KIF17: variants seen among roughly 807,000 people sequenced by gnomAD.
KIF17 encodes kinesin family member 17.
In KIF17, 80 loss-of-function variants were observed where a neutral mutation model predicts 96.8. That is an observed-to-expected ratio of 0.83 (90% CI 0.69 to 1.00). KIF17 has a LOEUF of 1.00. Among genes scored for constraint, KIF17 ranks in the 50% least tolerant of loss-of-function variants. The pLI is 0.00. For missense variants in KIF17, 1,280 were observed against 1,372.9 expected (o/e 0.93, Z 1.07); for synonymous variants, 567 against 587.5 (o/e 0.97, Z 0.51).
chr1:20,709,905 G>C lies in KIF17; in HGVS notation c.481-77C>G. ...GACCAGGGATGGTCAAGGAACCAGAGAGAAGGGCCCCATCCAGACCGCCCT... is the reference window on the plus strand; with the variant it reads ...GACCAGGGATGGTCAAGGAACCAGACAGAAGGGCCCCATCCAGACCGCCCT... On this transcript the variant is annotated intron_variant, in intron 3 of 14. Transcript: ENST00000400463. The surrounding 1 kb of genome is among the most constrained non-coding windows in gnomAD (Gnocchi z 4.7). 7.1e-7 allele frequency: 1 copy of C among 1,412,324 alleles called. No individual in the cohort carries two copies. The highest frequency in any genetic ancestry group is 9.8e-7 in the Non-Finnish European group (1 of 1,022,180). The allele number at this position is 1,412,324 out of a possible 1,614,324, so 87.5% of individuals were successfully genotyped here. A position where few individuals can be genotyped will look rare whatever the true frequency, so the allele number is the denominator to read the frequency against.
intron 10 of KIF17, among the ~76,000 whole-genome samples, chr1:20,683,247 A>G (rs981385736): frequency 3.3e-5 from 5 of 152,240 alleles, no homozygotes; most frequent in Admixed American, 6.5e-5. Context: ...GTTGTGAAAA[A>G]TGTTCAATAC....
At chr1:20,682,576 G>T (rs2053847804) in intron 11 of KIF17, 77 bp downstream of exon 11, 1 of 1,224,130 alleles carries the variant, frequency 8.2e-7, no homozygotes. Context: ...CTTCCTACAA[G>T]GTGTAGGGAT....
intron 13 of KIF17, 75 bp from the exon 14 acceptor site, chr1:20,666,406 T>C: frequency 2.4e-6 from 3 of 1,246,136 alleles, no homozygotes; most frequent in Admixed American, 1.7e-5. Flanking sequence ...GCCTCTGGTA[T>C]CCTGGGGCAG....
chr1:20,713,351 G>C, intron 3 of KIF17, 103 bp downstream of exon 3: 1 of 816,552 alleles, frequency 1.2e-6, no homozygotes, highest in Non-Finnish European at 2.0e-6. Context: ...TAGCCTCCCA[G>C]TGCCGGCACC....
At chr1:20,712,810 T>C (rs1570485161) in intron 3 of KIF17, among the ~76,000 whole-genome samples, 2 of 53,722 alleles carry the variant, frequency 3.7e-5, no homozygotes, top group South Asian at 9.3e-4. Flanking sequence ...ATAATATCTA[T>C]ATATATAATA....
intron 12 of KIF17, among the ~76,000 whole-genome samples, chr1:20,670,799 C>A (rs923803784): frequency 2.4e-4 from 37 of 152,078 alleles, no homozygotes; most frequent in Non-Finnish European, 4.4e-5. Context: ...GGGGTCTCAG[C>A]AGGGATGGTG....
rs56094066 is a variant in KIF17 at position 20,697,765 on chromosome 1, C to T, written c.1233+614G>A. 5.5e-3 allele frequency among the ~76,000 whole-genome samples: 845 copies of T among 152,342 alleles called. 3 individuals carry two copies. Among genetic ancestry groups the T allele is most frequent in the Non-Finnish European group, 8.4e-3 (572 of 68,030 alleles). On this transcript the variant is annotated intron_variant, in intron 6 of 14. Transcript: ENST00000400463. ...CCAAAGGCAGGAGTGGGGGGGCCCC[C>T]GCCATGCCTGGCTGTGGAAGTCCCG... is the stretch of plus-strand genomic sequence containing the variant.
At chr1:20,682,352 G>C (rs2053844280) in intron 11 of KIF17, among the ~76,000 whole-genome samples, 1 of 152,098 alleles carries the variant, frequency 6.6e-6, no homozygotes, top group African/African-American at 2.4e-5. Flanking sequence ...GTGAGACCCT[G>C]CCTGTCCAAA....
In KIF17 at chr1:20,704,826, G is replaced by T; in HGVS notation, c.744C>A (p.Ser248=). Residue 248 remains serine, a synonymous_variant, in exon 5 of 15, where the codon TCC becomes TCA. Coordinates refer to ENST00000400463, the MANE Select transcript of KIF17 (RefSeq NM_001122819.3). This position sits in a 1 kb window ranked among gnomAD's most constrained non-coding sequence, Gnocchi z 6.8. ...LVDLAGSERQ[S]KTGATGERLK... ...GCCGCTCGCCCGTGGCCCCGGTCTTGGACTGCCGCTCGCTGCCCGCCAGGT... is the reference window on the plus strand; with the variant it reads ...GCCGCTCGCCCGTGGCCCCGGTCTTTGACTGCCGCTCGCTGCCCGCCAGGT... The T allele has an allele frequency of 6.2e-7, 1 of 1,606,512 alleles. No homozygotes were observed.
At position 20,687,396 on chromosome 1, in the gene KIF17, G is replaced by A. The variant is rs969571905; in HGVS notation, c.1930C>T (p.Pro644Ser). 2.5e-6 allele frequency: 4 copies of A among 1,613,120 alleles called. No homozygotes were observed. Among genetic ancestry groups the A allele is most frequent in the Non-Finnish European group, 3.4e-6 (4 of 1,180,020 alleles). ...TGCGTGACATCAGCTACCTGCACAG[G>A]GACCTTGGGGACGTCTGCCTGGGGT... ...DAPQADVPKV[P>S]VQVPAPTDLL... is the part of the protein sequence containing the mutation. The change falls in exon 8 of 15, where the codon CCT becomes TCT. Residue 644 changes from proline to serine, a missense_variant. By Grantham distance (74) the Pro-to-Ser change is moderately conservative. Transcript: ENST00000400463. The surrounding 1 kb of genome is among the most constrained non-coding windows in gnomAD (Gnocchi z 4.4).
At position 20,684,842 on chromosome 1, in the gene KIF17, A is replaced by C. The variant is rs2053905799; in HGVS notation, c.2198T>G (p.Leu733Arg). 6.3e-7 allele frequency: 1 copy of C among 1,593,442 alleles called. No homozygotes were observed. Among genetic ancestry groups the C allele is most frequent in the African/African-American group, 1.3e-5 (1 of 74,498 alleles). ...CACCTGCTGCTGGTCCACAACGGGC[A>C]GCGGGTCATCAGTCAGCACTGCCAC... is the stretch of plus-strand genomic sequence containing the variant. ...MEVAVLTDDP[L>R]PVVDQQQVLA... Residue 733 changes from leucine (L) to arginine (R), a missense_variant, in exon 10 of 15, where the codon CTG becomes CGG. Coordinates refer to ENST00000400463, the MANE Select transcript of KIF17 (RefSeq NM_001122819.3).
chr1:20,681,110 A>C (rs1407277171), intron 11 of KIF17, among the ~76,000 whole-genome samples: 1 of 147,256 alleles, frequency 6.8e-6, no homozygotes, highest in Non-Finnish European at 1.5e-5. Flanking sequence ...TGGGTGACAG[A>C]GCAAGACTCT....
At chr1:20,691,179 G>T (rs922786392) in intron 6 of KIF17, among the ~76,000 whole-genome samples, 18 of 151,900 alleles carry the variant, frequency 1.2e-4, no homozygotes, top group African/African-American at 4.3e-4. Flanking sequence ...CCTGTAATCT[G>T]TTACTGGGGA....
In KIF17 at chr1:20,669,537, A is replaced by AAATAATAATAATAAT. The variant is rs71585778; in HGVS notation, c.2790+869_2790+883dup. Reference sequence around the variant, plus strand: ...GGCGACAGAGCGAGACTCTGTCTCGAAATAATAATAATAATAATAATAATA... The same window carrying AAATAATAATAATAAT: ...GGCGACAGAGCGAGACTCTGTCTCGAAATAATAATAATAATAATAATAATAATAATAATAATAATA... On this transcript the variant is annotated intron_variant, in intron 13 of 14. Transcript: ENST00000400463. 2.1e-4 allele frequency among the ~76,000 whole-genome samples: 25 copies of AAATAATAATAATAAT among 121,124 alleles called. No individual in the cohort carries two copies. In the South Asian group the frequency reaches 2.1e-3, roughly 10 times the overall value. 79.5% of individuals were successfully genotyped at this position (121,124 alleles called of 152,430 possible). A position where few individuals can be genotyped will look rare whatever the true frequency, so the allele number is the denominator to read the frequency against.
chr1:20,664,708 A>G lies in KIF17; in HGVS notation c.2963T>C (p.Ile988Thr). ...LSCPLSNNSA[I>T]PPTQAPEMPQ... ...CATTTCAGGGGCCTGGGTGGGTGGG[A>G]TGGCAGAGTTGTTGCTGAGTGGGCA... Residue 988 changes from isoleucine (I) to threonine (T), a missense_variant, in exon 15 of 15, where the codon ATC becomes ACC. Transcript: ENST00000400463. 6.2e-7 allele frequency: 1 copy of G among 1,612,096 alleles called. No homozygotes were observed. Among genetic ancestry groups the G allele is most frequent in the Non-Finnish European group, 8.5e-7 (1 of 1,179,696 alleles).
rs1159476296 is a variant in KIF17 at position 20,717,456 on chromosome 1, G to A, written c.231+20C>T. Reference sequence around the variant, plus strand: ...CCTCATGCCCTGCCGCCTGCAGGGCGGCCTGCCGGGCGCCCTCACCTCCAC... The same window carrying A: ...CCTCATGCCCTGCCGCCTGCAGGGCAGCCTGCCGGGCGCCCTCACCTCCAC... On this transcript the variant is annotated intron_variant, in intron 1 of 14. Transcript: ENST00000400463. 3 of 1,608,976 alleles carry A rather than the reference G, an allele frequency of 1.9e-6. No individual in the cohort carries two copies. Among genetic ancestry groups the A allele is most frequent in the East Asian group, 2.2e-5 (1 of 44,800 alleles).
intron 6 of KIF17, among the ~76,000 whole-genome samples, chr1:20,697,410 C>G (rs2054161258): frequency 6.6e-6 from 1 of 151,712 alleles, no homozygotes; most frequent in African/African-American, 2.4e-5. Context: ...GAGTTCAAGA[C>G]CAGCCTAGGC....
chr1:20,677,987 A>G (rs1406650922), intron 11 of KIF17, among the ~76,000 whole-genome samples: 1 of 152,252 alleles, frequency 6.6e-6, no homozygotes, highest in African/African-American at 2.4e-5. Flanking sequence ...AAGAGATGGC[A>G]CGTGTGTTCT....
chr1:20,715,722 CAG>C lies in KIF17; in HGVS notation c.232-85_232-84del, dbSNP rs1407043328. The C allele has an allele frequency of 5.8e-6, 9 of 1,541,478 alleles. No homozygotes were observed. The African/African-American group carries it at 1.2e-4, about 21-fold the overall frequency. ...GACAGGGCTCCCTAACCCACAGACT[CAG>C]GGCCCTTCCTGGTCCCCCCACCAAC... is the stretch of plus-strand genomic sequence containing the variant. On this transcript the variant is annotated intron_variant, in intron 1 of 14. Coordinates refer to ENST00000400463, the MANE Select transcript of KIF17 (RefSeq NM_001122819.3).
Sources: gnomAD v4.1 joint callset for allele counts (sites outside exome capture counted in the v4.1 genomes callset) on GRCh38, gnomAD v4.1.1 for gene constraint, Gnocchi (gnomAD v3.1) non-coding constraint, MANE v1.5 for transcripts, NCBI Gene and HGNC (gene_info 2026-07-23, HGNC 2026-07-21) for gene names.